JADE2: variants seen among roughly 807,000 people sequenced by gnomAD.
The protein encoded by JADE2 is jade family PHD finger 2.
A neutral mutation model predicts 85.7 loss-of-function variants in JADE2; 13 were observed. The observed-to-expected ratio is 0.15, with a 90% CI of 0.10 to 0.24. The LOEUF (loss-of-function observed/expected upper bound fraction) is 0.24, where lower values mean the gene tolerates loss of function less well. Among genes scored for constraint, JADE2 ranks in the 10% least tolerant of loss-of-function variants. The probability of loss-of-function intolerance (pLI) is 1.00; values close to 1 mark genes in which losing one functional copy is unlikely to be tolerated. For missense variants in JADE2, 846 were observed against 1,115.9 expected, an observed-to-expected ratio of 0.76 and a Z score of 3.45; for synonymous variants, 440 against 456.1, an observed-to-expected ratio of 0.96 and a Z score of 0.45.
Position 134,579,019 on chromosome 5 carries a change from A to G in JADE2, c.2207A>G (p.Asp736Gly), listed in dbSNP as rs1581495627. 2 of 1,613,860 alleles carry G rather than the reference A, an allele frequency of 1.2e-6. No homozygotes were observed. Among genetic ancestry groups the G allele is most frequent in the Non-Finnish European group, 1.7e-6 (2 of 1,180,008 alleles). ...GCAGCCTCAGTAGCTGCTGACTCAG[A>G]TGTCCAAGTGCCTGGCCCTGCAGCA... Reference protein sequence around the residue: ...DEAASVAADSDVQVPGPAASP... With the variant: ...DEAASVAADSGVQVPGPAASP... Residue 736 changes from aspartate (D) to glycine (G), a missense_variant, in exon 12 of 12, where the codon GAT becomes GGT. Physicochemically the swap from Asp to Gly is moderately conservative, Grantham distance 94. This residue lies in a region of JADE2 where 300 missense variants were observed against 300.7 expected (regional missense o/e 1.00). Coordinates refer to ENST00000681547, the MANE Select transcript of JADE2 (RefSeq NM_001388185.1). The surrounding 1 kb of genome is among the most constrained non-coding windows in gnomAD (Gnocchi z 4.6).
rs70976536 is a variant in JADE2, at chr5:134,533,736, CTTTTTTTTTTTT to C, written c.1-2105_1-2094del. On this transcript the variant is annotated intron_variant, in intron 1 of 11. Coordinates refer to ENST00000681547, the MANE Select transcript of JADE2 (RefSeq NM_001388185.1). Reference sequence around the variant, plus strand: ...TCAGTCAGCCTTTGTCACACTCTCTCTTTTTTTTTTTTTTTTTTTTTTTTTTTTGAGATAAGG... The same window carrying C: ...TCAGTCAGCCTTTGTCACACTCTCTCTTTTTTTTTTTTTTTTGAGATAAGG... 4.7e-3 allele frequency: 530 copies of C among 112,796 alleles called. 27 individuals carry two copies. Among genetic ancestry groups the C allele is most frequent in the Middle Eastern group, 0.013 (3 of 226 alleles). 7.0% of individuals were successfully genotyped at this position (112,796 alleles called of 1,614,324 possible).
chr5:134,578,627 T>G lies in JADE2; in HGVS notation c.1815T>G (p.Ala605=), dbSNP rs753463851. 1.2e-6 allele frequency: 2 copies of G among 1,614,086 alleles called. No homozygotes were observed. The highest frequency in any genetic ancestry group is 3.3e-5 in the Admixed American group (2 of 60,028). Residue 605 remains alanine, a synonymous_variant, in exon 12 of 12, where the codon GCT becomes GCG. Coordinates refer to ENST00000681547, the MANE Select transcript of JADE2 (RefSeq NM_001388185.1). The surrounding 1 kb of genome is among the most constrained non-coding windows in gnomAD (Gnocchi z 4.4). ...PLNNGHREDP[A]PGLLSEELLQ... ...ACAATGGGCACCGCGAGGACCCTGCTCCAGGGCTGCTGTCAGAGGAACTGC... is the reference window on the plus strand; with the variant it reads ...ACAATGGGCACCGCGAGGACCCTGCGCCAGGGCTGCTGTCAGAGGAACTGC...
intron 7 of JADE2, among the ~76,000 whole-genome samples, chr5:134,563,148 T>C (rs1223457717): frequency 6.6e-6 from 1 of 151,922 alleles, no homozygotes; most frequent in Admixed American, 6.5e-5. Flanking sequence ...TAACCCCGTC[T>C]CTACTAAAAA....
intron 1 of JADE2, among the ~76,000 whole-genome samples, chr5:134,529,992 G>C (rs1161989040): frequency 6.6e-6 from 1 of 152,262 alleles, no homozygotes; most frequent in Admixed American, 6.5e-5. Context: ...TGTTGCAGGA[G>C]GGTTCAGGCT....
At chr5:134,535,109 G>A (rs1254676904) in intron 1 of JADE2, among the ~76,000 whole-genome samples, 3 of 152,228 alleles carry the variant, frequency 2.0e-5, no homozygotes, top group South Asian at 2.1e-4. Context: ...AGGAGATGAT[G>A]TGGATAAAGG....
intron 7 of JADE2, among the ~76,000 whole-genome samples, chr5:134,563,141 C>T (rs1489885812): frequency 2.0e-5 from 3 of 151,994 alleles, no homozygotes; most frequent in African/African-American, 4.8e-5. Flanking sequence ...AACATGGTAA[C>T]CCCGTCTCTA....
chr5:134,526,212 G>A (rs1436566683), intron 1 of JADE2: 16 of 985,376 alleles, frequency 1.6e-5, no homozygotes, highest in South Asian at 4.7e-5. Flanking sequence ...GATTGCGCAT[G>A]TTGGTCAGTC....
At chr5:134,567,230 TCA>T (rs1159941806) in intron 9 of JADE2, among the ~76,000 whole-genome samples, 2 of 152,056 alleles carry the variant, frequency 1.3e-5, no homozygotes, top group African/African-American at 4.8e-5. Context: ...GGCTGGTGGA[TCA>T]CAGTGTGTCT....
chr5:134,572,014 A>G (rs1436650062), intron 9 of JADE2, among the ~76,000 whole-genome samples: 1 of 152,252 alleles, frequency 6.6e-6, no homozygotes, highest in Non-Finnish European at 1.5e-5. Context: ...CTGAGAAGAA[A>G]GGGGCCCCAG....
At chr5:134,551,947 C>T in intron 3 of JADE2, 105 bp from the exon 4 acceptor site, 2 of 1,009,922 alleles carry the variant, frequency 2.0e-6, no homozygotes, top group South Asian at 2.7e-5. Context: ...AGTGCGCAGG[C>T]AGAATGTCCA....
At chr5:134,541,684 C>T (rs1761969107) in intron 3 of JADE2, among the ~76,000 whole-genome samples, 1 of 152,134 alleles carries the variant, frequency 6.6e-6, no homozygotes, top group Non-Finnish European at 1.5e-5. Flanking sequence ...CACTTGTCTC[C>T]TCATCTCTAA....
intron 9 of JADE2, among the ~76,000 whole-genome samples, chr5:134,567,055 A>G (rs1371680164): frequency 6.6e-6 from 1 of 152,228 alleles, no homozygotes; most frequent in Non-Finnish European, 1.5e-5. Flanking sequence ...AAGAGCCAGG[A>G]GCAGCCAAAC....
chr5:134,531,937 C>G lies in JADE2; in HGVS notation c.1-3921C>G, dbSNP rs1761274417. Among the ~76,000 whole-genome samples, 3 of 134,738 alleles carry G rather than the reference C, an allele frequency of 2.2e-5. No homozygotes were observed. In the South Asian group the frequency reaches 7.2e-4, roughly 33 times the overall value. The allele number at this position is 134,738 out of a possible 152,430, so 88.4% of individuals were successfully genotyped here. A position where few individuals can be genotyped will look rare whatever the true frequency, so the allele number is the denominator to read the frequency against. On this transcript the variant is annotated intron_variant, in intron 1 of 11. Coordinates refer to ENST00000681547, the MANE Select transcript of JADE2 (RefSeq NM_001388185.1). The stretch of plus-strand genomic sequence containing the variant: ...TTGAGACAGGGTGTCACTCTGTCAC[C>G]CAGGCTGGAGTGCAGTAGCATAATC...
Position 134,538,001 on chromosome 5 carries a change from C to G in JADE2, c.71C>G (p.Ser24Cys), listed in dbSNP as rs1761710021. 4.3e-6 allele frequency: 7 copies of G among 1,614,060 alleles called. No individual in the cohort carries two copies. Among genetic ancestry groups the G allele is most frequent in the Non-Finnish European group, 5.1e-6 (6 of 1,179,928 alleles). The change falls in exon 3 of 12, where the codon TCT (serine) becomes TGT (cysteine). Residue 24 changes from serine to cysteine, a missense_variant. By Grantham distance (112) the Ser-to-Cys change is moderately radical. Around this residue, in one of 9 missense-constraint regions of JADE2, gnomAD observed 47 missense variants for 42.2 expected, o/e 1.11. Coordinates refer to ENST00000681547, the MANE Select transcript of JADE2 (RefSeq NM_001388185.1). The stretch of plus-strand genomic sequence containing the variant: ...TCTCTCTCTGCAGGTCATGCGACAT[C>G]TACATCCGCATCAAGATGCTCCAAA... ...NSDTTDSHATSTSASRCSKLP... is the reference protein window; with the variant it reads ...NSDTTDSHATCTSASRCSKLP...
intron 1 of JADE2, among the ~76,000 whole-genome samples, chr5:134,534,104 C>T (rs1761432824): frequency 6.6e-6 from 1 of 152,076 alleles, no homozygotes; most frequent in African/African-American, 2.4e-5. Context: ...TACTCTGCTG[C>T]GCAGAGACGG....
chr5:134,535,789 G>C, intron 1 of JADE2, 69 bp from the exon 2 acceptor site: 1 of 1,362,906 alleles, frequency 7.3e-7, no homozygotes, highest in South Asian at 1.2e-5. Flanking sequence ...TGGTTATGGG[G>C]TGATTTTCTG....
rs1272913384 is a variant in JADE2, at chr5:134,579,956, TC to T, written c.*642del. On this transcript the variant is annotated 3_prime_UTR_variant, in exon 12 of 12. Transcript: ENST00000681547. The surrounding 1 kb of genome is among the most constrained non-coding windows in gnomAD (Gnocchi z 4.6). Reference sequence around the variant, plus strand: ...GCCTGCCCACCCTGCCACCCTCCCCTCCCTTGCTGCTCTGCCCCTGCCAGTG... The same window carrying T: ...GCCTGCCCACCCTGCCACCCTCCCCTCCTTGCTGCTCTGCCCCTGCCAGTG... 1 of 152,628 alleles carries T rather than the reference TC, an allele frequency of 6.6e-6. No individual in the cohort carries two copies. Among genetic ancestry groups the T allele is most frequent in the Admixed American group, 6.5e-5 (1 of 15,268 alleles). 9.5% of individuals were successfully genotyped at this position (152,628 alleles called of 1,614,324 possible). A position where few individuals can be genotyped will look rare whatever the true frequency, so the allele number is the denominator to read the frequency against.
intron 3 of JADE2, among the ~76,000 whole-genome samples, chr5:134,540,824 G>A (rs1405656395): frequency 6.6e-6 from 1 of 152,198 alleles, no homozygotes; most frequent in African/African-American, 2.4e-5. Flanking sequence ...CCAATCTCCA[G>A]TGGGAGGATG....
chr5:134,554,067 C>T (rs1216135853), intron 4 of JADE2, among the ~76,000 whole-genome samples: 2 of 152,100 alleles, frequency 1.3e-5, no homozygotes, highest in South Asian at 2.1e-4. Context: ...GGCTCTTGCT[C>T]GATCCCATGT....
Sources: gnomAD v4.1 joint callset for allele counts (sites outside exome capture counted in the v4.1 genomes callset) on GRCh38, gnomAD v4.1.1 for gene constraint, gnomAD v4.1.1 regional missense constraint, Gnocchi (gnomAD v3.1) non-coding constraint, MANE v1.5 for transcripts, NCBI Gene and HGNC (gene_info 2026-07-23, HGNC 2026-07-21) for gene names.